GPC6: variants seen among roughly 807,000 people sequenced by gnomAD.
GPC6 encodes the protein glypican 6, also known as glypican-6.
A neutral mutation model predicts 55.2 loss-of-function variants in GPC6; 14 were observed. The ratio of observed to expected loss-of-function variants is 0.25; its 90% confidence interval spans 0.17 to 0.40. The LOEUF is 0.40. Among genes scored for constraint, GPC6 ranks in the 10% least tolerant of loss-of-function variants. The pLI is 1.00. For synonymous variants in GPC6, 278 were observed against 259.6 expected (o/e 1.07, Z -0.68); for missense variants, 641 against 708.5 (o/e 0.90, Z 1.08).
intron 2 of GPC6, among the ~76,000 whole-genome samples, chr13:93,741,817 C>T (rs989474443): frequency 6.6e-6 from 1 of 152,188 alleles, no homozygotes; most frequent in Admixed American, 6.5e-5. Flanking sequence ...AGTCTTTATA[C>T]ACATCCCTAA....
intron 2 of GPC6, among the ~76,000 whole-genome samples, chr13:93,715,869 G>A (rs1245639042): frequency 6.6e-6 from 1 of 151,574 alleles, no homozygotes; most frequent in Non-Finnish European, 1.5e-5. Context: ...TATTCGATAA[G>A]ATTGCCAGGT....
Position 93,860,103 on chromosome 13 carries a change from T to C in GPC6, c.711+29558T>C, listed in dbSNP as rs184873065. 7.9e-5 allele frequency among the ~76,000 whole-genome samples: 12 copies of C among 151,842 alleles called. No individual in the cohort carries two copies. In the East Asian group the frequency reaches 2.3e-3, roughly 30 times the overall value. On this transcript the variant is annotated intron_variant, in intron 3 of 8. Coordinates refer to ENST00000377047, the MANE Select transcript of GPC6 (RefSeq NM_005708.5). Reference sequence around the variant, plus strand: ...TCTTAGCAGACATTTACTCATTCTTTAGACACTAGTACCAGCATTGTCTTC... The same window carrying C: ...TCTTAGCAGACATTTACTCATTCTTCAGACACTAGTACCAGCATTGTCTTC...
At chr13:93,561,125 C>A (rs931386466) in intron 2 of GPC6, among the ~76,000 whole-genome samples, 1 of 151,974 alleles carries the variant, frequency 6.6e-6, no homozygotes, top group African/African-American at 2.4e-5. Context: ...TTTGTCTTCA[C>A]AAAATATTTC....
intron 1 of GPC6, among the ~76,000 whole-genome samples, chr13:93,279,426 G>C (rs1191221434): frequency 6.6e-6 from 1 of 152,230 alleles, no homozygotes; most frequent in Non-Finnish European, 1.5e-5. Flanking sequence ...TAGGGATTCA[G>C]TGCCATTTGC....
intron 2 of GPC6, among the ~76,000 whole-genome samples, chr13:93,599,302 G>A (rs1337959493): frequency 2.7e-5 from 4 of 147,748 alleles, no homozygotes; most frequent in Non-Finnish European, 3.0e-5. Context: ...AAAAAAAAAA[G>A]AGACATCAGA....
chr13:93,379,256 T>C (rs1392840376), intron 1 of GPC6, among the ~76,000 whole-genome samples: 1 of 152,140 alleles, frequency 6.6e-6, no homozygotes, highest in African/African-American at 2.4e-5. Flanking sequence ...GTGAGCAAAT[T>C]ATTGTCTATA....
intron 1 of GPC6, among the ~76,000 whole-genome samples, chr13:93,431,092 T>TTGAA (rs552578595): frequency 1.1e-3 from 166 of 152,256 alleles, no homozygotes; most frequent in African/African-American, 3.6e-3. Flanking sequence ...TTGCAGTTTA[T>TTGAA]TGAATCCAGG....
intron 1 of GPC6, among the ~76,000 whole-genome samples, chr13:93,427,066 C>A (rs1448496124): frequency 2.7e-5 from 4 of 149,472 alleles, no homozygotes; most frequent in Non-Finnish European, 4.4e-5. Context: ...ATGTCCTTCG[C>A]CCACTTTTTG....
the GPC6 span, among the ~76,000 whole-genome samples, chr13:93,221,017 G>A: frequency 0.03 from 4,596 of 151,980 alleles, 98 homozygotes; most frequent in East Asian, 0.1. Flanking sequence ...CAAGTAGCTG[G>A]GATTATAGGT....
intron 4 of GPC6, among the ~76,000 whole-genome samples, chr13:94,029,982 A>G (rs1363078493): frequency 1.3e-5 from 2 of 149,856 alleles, no homozygotes; most frequent in Non-Finnish European, 3.0e-5. Flanking sequence ...ATATGAACGT[A>G]TTTCATACCC....
chr13:93,920,529 A>G (rs1224473703), intron 3 of GPC6, among the ~76,000 whole-genome samples: 2 of 152,142 alleles, frequency 1.3e-5, no homozygotes, highest in African/African-American at 2.4e-5. Flanking sequence ...TATTTCCCCT[A>G]TACTGCTCTT....
chr13:93,844,535 T>C (rs1471427663), intron 3 of GPC6, among the ~76,000 whole-genome samples: 2 of 151,948 alleles, frequency 1.3e-5, no homozygotes, highest in African/African-American at 4.8e-5. Context: ...TTGTAGATTC[T>C]GGATATTAGC....
At chr13:93,343,155 C>T (rs1357939967) in intron 1 of GPC6, among the ~76,000 whole-genome samples, 2 of 151,266 alleles carry the variant, frequency 1.3e-5, no homozygotes, top group Non-Finnish European at 2.9e-5. Flanking sequence ...AGCATTTAAC[C>T]TGAATGTCTG....
intron 7 of GPC6, among the ~76,000 whole-genome samples, chr13:94,383,796 C>T (rs899576349): frequency 6.6e-6 from 1 of 152,012 alleles, no homozygotes; most frequent in Non-Finnish European, 1.5e-5. Context: ...GCTTGATTGA[C>T]CCACAGTTCC....
intron 2 of GPC6, among the ~76,000 whole-genome samples, chr13:93,546,887 T>G (rs1874820006): frequency 6.6e-6 from 1 of 152,204 alleles, no homozygotes; most frequent in South Asian, 2.1e-4. Flanking sequence ...GAAGCTCTAC[T>G]GTGTTTATAA....
intron 3 of GPC6, among the ~76,000 whole-genome samples, chr13:93,937,791 C>A (rs1878512163): frequency 6.6e-6 from 1 of 152,076 alleles, no homozygotes. Context: ...GTTGGCCAGG[C>A]TGGTCTCGAG....
chr13:93,474,959 C>T (rs1264450969), intron 1 of GPC6, among the ~76,000 whole-genome samples: 1 of 152,098 alleles, frequency 6.6e-6, no homozygotes, highest in African/African-American at 2.4e-5. Context: ...GTCAGAACTT[C>T]AACATTGCAA....
At chr13:93,593,898 T>C (rs1877603727) in intron 2 of GPC6, among the ~76,000 whole-genome samples, 1 of 152,106 alleles carries the variant, frequency 6.6e-6, no homozygotes, top group Non-Finnish European at 1.5e-5. Flanking sequence ...TATTGTTATT[T>C]TGGGAGTATG....
At chr13:93,698,040 G>A (rs1327117962) in intron 2 of GPC6, among the ~76,000 whole-genome samples, 1 of 152,078 alleles carries the variant, frequency 6.6e-6, no homozygotes, top group Non-Finnish European at 1.5e-5. Flanking sequence ...ATATCCTAAA[G>A]TGGAGAAATT....
Sources: gnomAD v4.1 joint callset for allele counts (sites outside exome capture counted in the v4.1 genomes callset) on GRCh38, gnomAD v4.1.1 for gene constraint, MANE v1.5 for transcripts, NCBI Gene and HGNC (gene_info 2026-07-23, HGNC 2026-07-21) for gene names.